NKAIN3: variants seen among roughly 807,000 people sequenced by gnomAD.
NKAIN3 encodes sodium/potassium transporting ATPase interacting 3.
NKAIN3 carries 25 observed loss-of-function variants against 30.2 expected under a neutral mutation model. The observed-to-expected ratio is 0.83, with a 90% confidence interval of 0.60 to 1.16. NKAIN3 has a LOEUF of 1.16. Among genes scored for constraint, NKAIN3 ranks in the 50% most tolerant of loss-of-function variants. The probability of loss-of-function intolerance (pLI) is 0.00; values close to 1 mark genes in which losing one functional copy is unlikely to be tolerated. For synonymous variants in NKAIN3, 91 were observed against 89.6 expected (o/e 1.02, Z -0.09); for missense variants, 225 against 254.1 (o/e 0.89, Z 0.78).
At chr8:62,917,599 T>C (rs939732510) in intron 4 of NKAIN3, among the ~76,000 whole-genome samples, 3 of 152,222 alleles carry the variant, frequency 2.0e-5, no homozygotes, top group Admixed American at 6.5e-5. Context: ...TCAGAAAAAG[T>C]TTCTTTTCCC....
chr8:62,606,596 G>C (rs550840668), intron 3 of NKAIN3, among the ~76,000 whole-genome samples: 1 of 152,210 alleles, frequency 6.6e-6, no homozygotes, highest in East Asian at 1.9e-4. Context: ...AATTCAATTT[G>C]GTTGAGTTGT....
chr8:62,908,926 G>T (rs953654878), intron 4 of NKAIN3, among the ~76,000 whole-genome samples: 1 of 152,186 alleles, frequency 6.6e-6, no homozygotes, highest in Admixed American at 6.5e-5. Flanking sequence ...TGACTGGGGA[G>T]TTATGTTGTT....
intron 4 of NKAIN3, among the ~76,000 whole-genome samples, chr8:62,869,357 G>C (rs1010278494): frequency 1.3e-5 from 2 of 152,174 alleles, no homozygotes; most frequent in Non-Finnish European, 2.9e-5. Flanking sequence ...GCAGGTGTGT[G>C]ATGTTCCCCT....
intron 3 of NKAIN3, among the ~76,000 whole-genome samples, chr8:62,744,110 AG>A (rs1283188903): frequency 6.6e-6 from 1 of 152,190 alleles, no homozygotes; most frequent in Admixed American, 6.5e-5. Flanking sequence ...AAAGGAAAGC[AG>A]GAGAAAGAAG....
At position 62,746,964 on chromosome 8, in the gene NKAIN3, A is replaced by T. The variant is rs183693168; in HGVS notation, c.306A>T (p.Val102=). The T allele has an allele frequency of 1.9e-6, 3 of 1,613,598 alleles. No individual in the cohort carries two copies. Among genetic ancestry groups the T allele is most frequent in the African/African-American group, 1.3e-5 (1 of 75,040 alleles). ...ATCTAATGACATTCAATATCTCTGTACATCGGTCATGGTGGAGAGAACATG... is the reference window on the plus strand; with the variant it reads ...ATCTAATGACATTCAATATCTCTGTTCATCGGTCATGGTGGAGAGAACATG... ...DTDLMTFNIS[V]HRSWWREHGP... is the part of the protein sequence containing the mutation. Residue 102 remains valine (V), a synonymous_variant, in exon 4 of 7, where the codon GTA becomes GTT. Transcript: ENST00000623646.
chr8:62,662,241 G>A (rs553226959), intron 3 of NKAIN3, among the ~76,000 whole-genome samples: 7 of 152,208 alleles, frequency 4.6e-5, no homozygotes, highest in Non-Finnish European at 7.3e-5. Context: ...TACTCACTGA[G>A]GTCTCTGCAA....
At chr8:62,896,579 C>T (rs987937450) in intron 4 of NKAIN3, among the ~76,000 whole-genome samples, 9 of 152,084 alleles carry the variant, frequency 5.9e-5, no homozygotes, top group African/African-American at 2.2e-4. Flanking sequence ...CAGCCTAATG[C>T]CCAAAAGACC....
intron 5 of NKAIN3, among the ~76,000 whole-genome samples, chr8:62,942,225 CATATATATACACAT>C (rs1563638396): frequency 1.9e-5 from 1 of 51,712 alleles, no homozygotes; most frequent in Non-Finnish European, 3.9e-5. Context: ...CATATATATA[CATATATATACACAT>C]ATATATACAT....
chr8:62,937,237 A>G (rs569862451), intron 5 of NKAIN3, among the ~76,000 whole-genome samples: 45 of 152,264 alleles, frequency 3.0e-4, no homozygotes, highest in African/African-American at 9.6e-4. Context: ...CACATCATGA[A>G]CTTTTGTTCC....
intron 4 of NKAIN3, among the ~76,000 whole-genome samples, chr8:62,868,515 G>C (rs144282179): frequency 5.9e-5 from 9 of 152,192 alleles, no homozygotes; most frequent in African/African-American, 1.7e-4. Flanking sequence ...ATTAACCCTC[G>C]ACCTGGTTCA....
At chr8:62,265,523 CAA>C (rs1427808454) in intron 1 of NKAIN3, among the ~76,000 whole-genome samples, 1 of 152,122 alleles carries the variant, frequency 6.6e-6, no homozygotes, top group Non-Finnish European at 1.5e-5. Context: ...ATTGGCAAAA[CAA>C]ACATTTTTAA....
At chr8:62,598,094 A>T (rs1392709929) in intron 3 of NKAIN3, among the ~76,000 whole-genome samples, 1 of 151,952 alleles carries the variant, frequency 6.6e-6, no homozygotes, top group African/African-American at 2.4e-5. Flanking sequence ...CAGTTTCCTT[A>T]CTCCTTAGTT....
intron 3 of NKAIN3, among the ~76,000 whole-genome samples, chr8:62,697,641 G>T (rs769008593): frequency 6.6e-6 from 1 of 152,038 alleles, no homozygotes; most frequent in African/African-American, 2.4e-5. Flanking sequence ...ATATGCTCTT[G>T]ATGGGCAAGG....
intron 4 of NKAIN3, among the ~76,000 whole-genome samples, chr8:62,781,423 A>G (rs962314649): frequency 6.6e-6 from 1 of 151,878 alleles, no homozygotes; most frequent in Non-Finnish European, 1.5e-5. Flanking sequence ...TAGAAAAAAA[A>G]AATCTTAAAA....
chr8:62,499,058 C>T (rs1807332714), intron 1 of NKAIN3, among the ~76,000 whole-genome samples: 1 of 152,086 alleles, frequency 6.6e-6, no homozygotes, highest in African/African-American at 2.4e-5. Flanking sequence ...TTCTTTGATG[C>T]TGTGAGGAGT....
intron 1 of NKAIN3, among the ~76,000 whole-genome samples, chr8:62,313,612 C>A (rs1814517750): frequency 6.6e-6 from 1 of 151,942 alleles, no homozygotes; most frequent in South Asian, 2.1e-4. Context: ...GTTGATATTC[C>A]CTATGGAAAT....
intron 4 of NKAIN3, among the ~76,000 whole-genome samples, chr8:62,890,859 A>G (rs1821278514): frequency 6.6e-6 from 1 of 152,176 alleles, no homozygotes; most frequent in Admixed American, 6.5e-5. Flanking sequence ...ACCATTTGCT[A>G]ATGTGGTATT....
intron 1 of NKAIN3, among the ~76,000 whole-genome samples, chr8:62,433,621 C>G (rs930544644): frequency 2.6e-5 from 4 of 152,034 alleles, no homozygotes; most frequent in African/African-American, 9.7e-5. Context: ...TTTCCCTAAG[C>G]AAGTTCTGTG....
intron 1 of NKAIN3, among the ~76,000 whole-genome samples, chr8:62,335,418 G>C (rs1278651589): frequency 8.6e-6 from 1 of 115,718 alleles, no homozygotes; most frequent in Non-Finnish European, 1.7e-5. Context: ...GACGGAGTAA[G>C]TGAGACTCTG....
Sources: gnomAD v4.1 joint callset for allele counts (sites outside exome capture counted in the v4.1 genomes callset) on GRCh38, gnomAD v4.1.1 for gene constraint, MANE v1.5 for transcripts, NCBI Gene and HGNC (gene_info 2026-07-23, HGNC 2026-07-21) for gene names.